The following CADM2 variants were observed in gnomAD, a reference collection of about 807,000 sequenced individuals.
The protein encoded by CADM2 is cell adhesion molecule 2.
In CADM2, 12 loss-of-function variants were observed where a neutral mutation model predicts 49.8. That is an observed-to-expected ratio of 0.24 (90% CI 0.15 to 0.39). The LOEUF (loss-of-function observed/expected upper bound fraction) is 0.39, where lower values mean the gene tolerates loss of function less well. CADM2 is among the 10% of genes least tolerant of loss of function. CADM2 has a pLI of 1.00. For synonymous variants in CADM2, 214 were observed against 175.4 expected, an observed-to-expected ratio of 1.22 and a Z score of -1.74; for missense variants, 378 against 492.3, an observed-to-expected ratio of 0.77 and a Z score of 2.20.
chr3:85,287,105 T>C (rs1345753103), intron 1 of CADM2, among the ~76,000 whole-genome samples: 2 of 152,110 alleles, frequency 1.3e-5, no homozygotes, highest in Non-Finnish European at 2.9e-5. Context: ...TCAAATATAA[T>C]GCAATCCTAC....
chr3:85,401,267 G>A (rs920153648), intron 1 of CADM2, among the ~76,000 whole-genome samples: 2 of 152,118 alleles, frequency 1.3e-5, no homozygotes, highest in Non-Finnish European at 2.9e-5. Context: ...AAAAGTACTG[G>A]TGTTGAGTCA....
intron 1 of CADM2, among the ~76,000 whole-genome samples, chr3:85,165,140 AT>A (rs1229609230): frequency 1.3e-5 from 2 of 151,948 alleles, no homozygotes; most frequent in Non-Finnish European, 2.9e-5. Flanking sequence ...GTAATAAGCT[AT>A]GTCACCAATT....
At chr3:85,138,336 A>G (rs2039478917) in intron 1 of CADM2, among the ~76,000 whole-genome samples, 2 of 152,144 alleles carry the variant, frequency 1.3e-5, no homozygotes, top group African/African-American at 4.8e-5. Context: ...GTACCCTCAA[A>G]GAGGTGAGAA....
intron 8 of CADM2, among the ~76,000 whole-genome samples, chr3:86,004,216 T>C (rs2106841791): frequency 6.6e-6 from 1 of 152,236 alleles, no homozygotes; most frequent in East Asian, 1.9e-4. Context: ...GTAAATAACA[T>C]TCCAGTTACA....
intron 1 of CADM2, among the ~76,000 whole-genome samples, chr3:85,002,718 A>T (rs1287834548): frequency 6.6e-6 from 1 of 152,170 alleles, no homozygotes; most frequent in Non-Finnish European, 1.5e-5. Flanking sequence ...ACAGACAAAC[A>T]TGTAGAGTCA....
intron 1 of CADM2, among the ~76,000 whole-genome samples, chr3:85,554,142 G>T (rs551772991): frequency 6.6e-6 from 1 of 152,136 alleles, no homozygotes; most frequent in East Asian, 1.9e-4. Flanking sequence ...AGGGGCTGGG[G>T]GGCGGGAGGT....
chr3:85,921,914 T>C (rs1476534787), intron 6 of CADM2, among the ~76,000 whole-genome samples: 1 of 152,088 alleles, frequency 6.6e-6, no homozygotes, highest in Non-Finnish European at 1.5e-5. Context: ...GAATGTCATA[T>C]AATGGGAATT....
At chr3:85,806,274 T>C (rs2072412061) in intron 3 of CADM2, among the ~76,000 whole-genome samples, 1 of 146,144 alleles carries the variant, frequency 6.8e-6, no homozygotes, top group South Asian at 2.2e-4. Flanking sequence ...AAGAAAAGAA[T>C]GGAAGGGAGG....
intron 2 of CADM2, among the ~76,000 whole-genome samples, chr3:85,752,189 G>C (rs1326101023): frequency 1.3e-5 from 2 of 152,078 alleles, no homozygotes; most frequent in Admixed American, 6.6e-5. Flanking sequence ...ATAGTGTAGA[G>C]AGAGCCACTT....
intron 1 of CADM2, among the ~76,000 whole-genome samples, chr3:85,024,745 C>T (rs1293642766): frequency 1.3e-5 from 2 of 150,870 alleles, no homozygotes; most frequent in Admixed American, 1.3e-4. Flanking sequence ...AAACTAAATT[C>T]TTGAAGTAAA....
intron 5 of CADM2, among the ~76,000 whole-genome samples, chr3:85,895,319 T>C (rs541989085): frequency 1.3e-5 from 2 of 152,338 alleles, no homozygotes; most frequent in Non-Finnish European, 1.5e-5. Flanking sequence ...AGCTTTAAGA[T>C]TTGGCTGTCC....
chr3:86,050,815 AGCTGGGCCCTGGACCT>A (rs1174098288), intron 8 of CADM2, among the ~76,000 whole-genome samples: 3 of 152,192 alleles, frequency 2.0e-5, no homozygotes, highest in African/African-American at 7.2e-5. Context: ...TGCACAGAGT[AGCTGGGCCCTGGACCT>A]GGCCCAGAGA....
intron 8 of CADM2, among the ~76,000 whole-genome samples, chr3:85,982,099 T>C (rs1040393236): frequency 1.3e-5 from 2 of 151,810 alleles, no homozygotes; most frequent in African/African-American, 2.4e-5. Context: ...GTTTCTCTAA[T>C]GATTAGTGAT....
chr3:85,633,655 G>C (rs962696495), intron 1 of CADM2, among the ~76,000 whole-genome samples: 1 of 152,118 alleles, frequency 6.6e-6, no homozygotes, highest in Non-Finnish European at 1.5e-5. Context: ...GTTTTTCATA[G>C]AATATCATAG....
intron 1 of CADM2, among the ~76,000 whole-genome samples, chr3:85,614,906 G>A (rs776241049): frequency 5.9e-5 from 9 of 151,890 alleles, no homozygotes; most frequent in Admixed American, 6.6e-5. Context: ...TGAACTTAGT[G>A]TCTTTTCATA....
chr3:85,618,431 TAGA>T (rs1357258425), intron 1 of CADM2, among the ~76,000 whole-genome samples: 1 of 152,258 alleles, frequency 6.6e-6, no homozygotes, highest in African/African-American at 2.4e-5. Context: ...AAAAAAAAGA[TAGA>T]AGATGTTTGT....
intron 1 of CADM2, among the ~76,000 whole-genome samples, chr3:85,327,554 C>CCACACACACACACACA (rs71108276): frequency 1.4e-4 from 19 of 137,194 alleles, no homozygotes; most frequent in Middle Eastern, 3.7e-3. Flanking sequence ...CCATGCCCGG[C>CCACACACACACACACA]CACACACACA....
intron 1 of CADM2, among the ~76,000 whole-genome samples, chr3:85,568,473 C>CTTTCTTTCTTTG: frequency 3.6e-5 from 1 of 27,618 alleles, no homozygotes; most frequent in East Asian, 1.6e-3. Flanking sequence ...CTCTTTCTCT[C>CTTTCTTTCTTTG]TCTTTCTTTC....
At chr3:85,994,112 T>C (rs923746482) in intron 8 of CADM2, 9 of 152,258 alleles carry the variant, frequency 5.9e-5, no homozygotes, top group Non-Finnish European at 5.9e-5. Context: ...GAGGACTGTT[T>C]CATCTACATT....
Sources: allele counts gnomAD v4.1 joint callset (sites outside exome capture counted in the v4.1 genomes callset), GRCh38; gene constraint gnomAD v4.1.1; transcripts MANE v1.5; gene names NCBI Gene and HGNC (gene_info 2026-07-23, HGNC 2026-07-21).